The following EDA variants were observed in gnomAD, a reference collection of about 807,000 sequenced individuals.
EDA encodes ectodysplasin A.
In EDA, 2 loss-of-function variants were observed where a neutral mutation model predicts 23.6. The observed-to-expected ratio is 0.08, with a 90% CI of 0.03 to 0.27. The LOEUF is 0.27. EDA is among the 10% of genes least tolerant of loss of function. The pLI is 1.00. For missense variants in EDA, 229 were observed against 324.2 expected (o/e 0.71, Z 2.26); for synonymous variants, 131 against 132.0 (o/e 0.99, Z 0.05).
intron 1 of EDA, among the ~76,000 whole-genome samples, chrX:69,767,696 G>T (rs906768455): frequency 7.2e-5 from 8 of 111,510 alleles, no homozygotes; most frequent in African/African-American, 2.6e-4. Context: ...AAGTGTTTTT[G>T]TGTACACATG....
intron 1 of EDA, among the ~76,000 whole-genome samples, chrX:69,684,637 A>C (rs746128616): frequency 8.9e-6 from 1 of 112,390 alleles, no homozygotes; most frequent in East Asian, 2.8e-4. Flanking sequence ...TTTCTGTTCA[A>C]GCCTCTCTAA....
chrX:69,665,982 A>G (rs908749064), intron 1 of EDA, among the ~76,000 whole-genome samples: 2 of 111,308 alleles, frequency 1.8e-5, no homozygotes, highest in Non-Finnish European at 3.8e-5. Context: ...TATCTTTTTC[A>G]GTTTATTTCA....
chrX:69,684,792 A>G (rs1242162362), intron 1 of EDA, among the ~76,000 whole-genome samples: 1 of 112,465 alleles, frequency 8.9e-6, no homozygotes, highest in African/African-American at 3.2e-5. Flanking sequence ...CAATCATGTT[A>G]GTGTTTATTT....
At chrX:69,668,453 T>C (rs1222324933) in intron 1 of EDA, among the ~76,000 whole-genome samples, 1 of 112,197 alleles carries the variant, frequency 8.9e-6, no homozygotes, top group East Asian at 2.8e-4. Flanking sequence ...GGAAAGGTTT[T>C]TTTATACATT....
intron 1 of EDA, among the ~76,000 whole-genome samples, chrX:69,830,067 C>A (rs906076208): frequency 9.0e-6 from 1 of 110,831 alleles, no homozygotes; most frequent in Non-Finnish European, 1.9e-5. Context: ...ATTAGTCTTC[C>A]GGCTCCTTTT....
chrX:69,919,912 A>C (rs184549224), intron 1 of EDA, among the ~76,000 whole-genome samples: 1 of 111,874 alleles, frequency 8.9e-6, no homozygotes, highest in African/African-American at 3.2e-5. Context: ...GGGTAACTGC[A>C]GGCTAAGTTA....
At chrX:69,626,326 A>G (rs1191531069) in intron 1 of EDA, among the ~76,000 whole-genome samples, 1 of 112,025 alleles carries the variant, frequency 8.9e-6, no homozygotes, top group Non-Finnish European at 1.9e-5. Flanking sequence ...GATAATTGAA[A>G]ACGTATGTTC....
intron 1 of EDA, among the ~76,000 whole-genome samples, chrX:69,667,113 CTTTTTCTTTTT>C (rs1469205365): frequency 1.7e-5 from 1 of 57,424 alleles, no homozygotes; most frequent in African/African-American, 1.0e-4. Context: ...ATTTCTTTTT[CTTTTTCTTTTT>C]TTTTTTTTTT....
At chrX:69,628,968 G>A (rs1932478987) in intron 1 of EDA, among the ~76,000 whole-genome samples, 1 of 111,141 alleles carries the variant, frequency 9.0e-6, no homozygotes, top group Non-Finnish European at 1.9e-5. Flanking sequence ...GCTGAGAGTT[G>A]CTTTGTTCTC....
chrX:69,691,834 T>A (rs777023409), intron 1 of EDA, among the ~76,000 whole-genome samples: 1 of 111,746 alleles, frequency 8.9e-6, no homozygotes, highest in Non-Finnish European at 1.9e-5. Flanking sequence ...TTCTTTCAAA[T>A]TGTGGTATAT....
chrX:69,694,063 C>T (rs1458250905), intron 1 of EDA, among the ~76,000 whole-genome samples: 1 of 111,713 alleles, frequency 9.0e-6, no homozygotes, highest in Non-Finnish European at 1.9e-5. Context: ...TAAAAATAGT[C>T]CCCACACTAA....
intron 1 of EDA, among the ~76,000 whole-genome samples, chrX:69,725,428 T>C (rs1365300577): frequency 8.9e-6 from 1 of 112,532 alleles, no homozygotes; most frequent in African/African-American, 3.2e-5. Context: ...TCTTCTATTC[T>C]GTGAGCATTT....
intron 1 of EDA, among the ~76,000 whole-genome samples, chrX:69,903,596 AACAC>A (rs200847087): frequency 1.8e-4 from 18 of 102,210 alleles, no homozygotes; most frequent in South Asian, 4.4e-4. Flanking sequence ...CACACACATA[AACAC>A]ACACACACAC....
intron 1 of EDA, among the ~76,000 whole-genome samples, chrX:69,709,157 T>G (rs2011862769): frequency 8.9e-6 from 1 of 112,164 alleles, no homozygotes; most frequent in South Asian, 3.7e-4. Flanking sequence ...TTTGGACCTT[T>G]GTGAAAGGCT....
chrX:69,967,575 C>T (rs1347953454), intron 2 of EDA, among the ~76,000 whole-genome samples: 1 of 111,838 alleles, frequency 8.9e-6, no homozygotes, highest in African/African-American at 3.2e-5. Flanking sequence ...TACATTAGGA[C>T]TCTCTCAGTT....
At chrX:69,755,685 G>T (rs1279368306) in intron 1 of EDA, among the ~76,000 whole-genome samples, 1 of 112,642 alleles carries the variant, frequency 8.9e-6, no homozygotes, top group Non-Finnish European at 1.9e-5. Context: ...AGGCTGACAG[G>T]CCTCCTTGAG....
intron 2 of EDA, among the ~76,000 whole-genome samples, chrX:69,973,921 G>A (rs1013464795): frequency 1.8e-5 from 2 of 110,157 alleles, no homozygotes; most frequent in Non-Finnish European, 3.8e-5. Context: ...AAGTCATCTC[G>A]GACCTGTAAT....
intron 1 of EDA, among the ~76,000 whole-genome samples, chrX:69,814,853 T>A (rs1392278725): frequency 1.8e-5 from 2 of 111,537 alleles, no homozygotes; most frequent in African/African-American, 6.5e-5. Flanking sequence ...GATCAGGAGA[T>A]CCCCTCGTGA....
intron 1 of EDA, among the ~76,000 whole-genome samples, chrX:69,650,267 GT>G (rs1427041986): frequency 8.9e-6 from 1 of 111,894 alleles, no homozygotes; most frequent in Non-Finnish European, 1.9e-5. Flanking sequence ...GCCACGTATG[GT>G]ATATTAGATA....
Sources: allele counts gnomAD v4.1 joint callset (sites outside exome capture counted in the v4.1 genomes callset), GRCh38; gene constraint gnomAD v4.1.1; transcripts MANE v1.5; gene names NCBI Gene and HGNC (gene_info 2026-07-23, HGNC 2026-07-21).